RANBP2: variants seen among roughly 807,000 people sequenced by gnomAD.
The protein encoded by RANBP2 is RAN binding protein 2.
In RANBP2, 57 loss-of-function variants were observed where a neutral mutation model predicts 303.6. The observed-to-expected ratio is 0.19, with a 90% CI of 0.15 to 0.23. RANBP2 has a LOEUF of 0.23. Among genes scored for constraint, RANBP2 ranks in the 10% least tolerant of loss-of-function variants. The pLI is 1.00. For missense variants in RANBP2, 3,138 were observed against 3,780.8 expected (o/e 0.83, Z 4.46); for synonymous variants, 1,167 against 1,301.5 (o/e 0.90, Z 2.23).
At chr2:109,152,807 C>T in the RANBP2 span, among the ~76,000 whole-genome samples, 3 of 152,186 alleles carry the variant, frequency 2.0e-5, no homozygotes, top group Non-Finnish European at 2.9e-5. Flanking sequence ...GGGTGCCTAT[C>T]ACCGTCTCTC....
chr2:108,820,026 CT>C, the RANBP2 span, among the ~76,000 whole-genome samples: 1 of 152,110 alleles, frequency 6.6e-6, no homozygotes, highest in Admixed American at 6.5e-5. Flanking sequence ...AATTCTGGAG[CT>C]GAAAAATACA....
chr2:109,457,262 T>A, the RANBP2 span, among the ~76,000 whole-genome samples: 1 of 152,200 alleles, frequency 6.6e-6, no homozygotes, highest in Admixed American at 6.5e-5. Flanking sequence ...AATTAAATGA[T>A]CCATACAGAT....
the RANBP2 span, among the ~76,000 whole-genome samples, chr2:109,374,685 A>T: frequency 6.6e-6 from 1 of 152,182 alleles, no homozygotes; most frequent in Non-Finnish European, 1.5e-5. Flanking sequence ...CTAAGAGGAT[A>T]TCTTCTTTCA....
the RANBP2 span, among the ~76,000 whole-genome samples, chr2:109,286,787 C>T: frequency 6.6e-6 from 1 of 152,184 alleles, no homozygotes; most frequent in Non-Finnish European, 1.5e-5. Flanking sequence ...CTGCCCCATA[C>T]CTCCCGGGAG....
chr2:108,727,058 C>T (rs1425224805), intron 1 of RANBP2, among the ~76,000 whole-genome samples: 4 of 152,156 alleles, frequency 2.6e-5, no homozygotes, highest in Non-Finnish European at 5.9e-5. Context: ...CGGCAACCAT[C>T]CGATTTCTCA....
the RANBP2 span, among the ~76,000 whole-genome samples, chr2:109,398,431 A>G: frequency 2.3e-4 from 35 of 152,230 alleles, 1 homozygote; most frequent in South Asian, 8.3e-4. Context: ...AATAAAACCT[A>G]TGCCACCCCA....
chr2:108,750,006 C>T (rs1200281787), intron 9 of RANBP2, among the ~76,000 whole-genome samples: 3 of 152,142 alleles, frequency 2.0e-5, no homozygotes, highest in Non-Finnish European at 2.9e-5. Context: ...AAAAATTATC[C>T]GGGGGTGGTG....
chr2:108,815,143 A>T, the RANBP2 span, among the ~76,000 whole-genome samples: 1 of 152,138 alleles, frequency 6.6e-6, no homozygotes, highest in Non-Finnish European at 1.5e-5. Flanking sequence ...AAATGTTCAT[A>T]TGTGTATTGA....
chr2:109,695,797 A>T, the RANBP2 span, among the ~76,000 whole-genome samples: 4 of 152,186 alleles, frequency 2.6e-5, no homozygotes, highest in Admixed American at 2.6e-4. Context: ...TTTTTCCATT[A>T]ACTTTTAGCT....
At chr2:109,630,032 A>G in the RANBP2 span, among the ~76,000 whole-genome samples, 1 of 152,150 alleles carries the variant, frequency 6.6e-6, no homozygotes, top group Admixed American at 6.5e-5. Context: ...CTACAGTGCA[A>G]GAAAGAATGA....
the RANBP2 span, among the ~76,000 whole-genome samples, chr2:109,188,538 G>A: frequency 1.3e-5 from 2 of 152,222 alleles, no homozygotes; most frequent in African/African-American, 4.8e-5. Flanking sequence ...TCAGAGAAGC[G>A]GCATCCCCCG....
the RANBP2 span, among the ~76,000 whole-genome samples, chr2:109,079,918 C>T: frequency 1.8e-4 from 27 of 152,210 alleles, no homozygotes; most frequent in Admixed American, 3.3e-4. Context: ...CGGGGCTACA[C>T]GGCCATGGGT....
chr2:108,740,736 G>A (rs1210093370), intron 7 of RANBP2, 55 bp downstream of exon 7: 17 of 1,597,122 alleles, frequency 1.1e-5, no homozygotes, highest in Non-Finnish European at 1.4e-5. Context: ...TGATGTGTTT[G>A]AAATGAAGGT....
chr2:109,732,162 G>A, the RANBP2 span, among the ~76,000 whole-genome samples: 2 of 152,134 alleles, frequency 1.3e-5, no homozygotes, highest in African/African-American at 2.4e-5. Context: ...CTGGCCATAA[G>A]TGTATATACT....
At chr2:109,524,071 G>A in the RANBP2 span, among the ~76,000 whole-genome samples, 1 of 152,160 alleles carries the variant, frequency 6.6e-6, no homozygotes, top group Non-Finnish European at 1.5e-5. Context: ...CACCTGCCTG[G>A]TCTCACCTCC....
the RANBP2 span, chr2:109,141,513 C>G: frequency 3.2e-5 from 5 of 155,072 alleles, no homozygotes; most frequent in African/African-American, 1.2e-4. Context: ...AGAGCTGAGC[C>G]CACAGCTGCA....
the RANBP2 span, among the ~76,000 whole-genome samples, chr2:108,853,885 T>TATATTATATATAATATATA: frequency 8.2e-6 from 1 of 122,380 alleles, no homozygotes; most frequent in Non-Finnish European, 1.6e-5. Context: ...TATAATATAT[T>TATATTATATATAATATATA]ATATAGTATA....
the RANBP2 span, among the ~76,000 whole-genome samples, chr2:109,697,543 G>C: frequency 6.7e-6 from 1 of 150,276 alleles, no homozygotes; most frequent in Non-Finnish European, 1.5e-5. Context: ...AAAGTTAGCT[G>C]CTAGTATATA....
At chr2:109,182,167 C>G in the RANBP2 span, among the ~76,000 whole-genome samples, 1 of 152,158 alleles carries the variant, frequency 6.6e-6, no homozygotes, top group Non-Finnish European at 1.5e-5. Flanking sequence ...AACTGGATAA[C>G]TTATAAACAA....
Sources: allele counts gnomAD v4.1 joint callset (sites outside exome capture counted in the v4.1 genomes callset), GRCh38; gene constraint gnomAD v4.1.1; transcripts MANE v1.5; gene names NCBI Gene and HGNC (gene_info 2026-07-23, HGNC 2026-07-21).